NELL2: variants seen among roughly 807,000 people sequenced by gnomAD.
The protein encoded by NELL2 is neural EGFL like 2, also known as protein kinase C-binding protein NELL2.
NELL2 carries 41 observed loss-of-function variants against 109.6 expected under a neutral mutation model. The ratio of observed to expected loss-of-function variants is 0.37; its 90% confidence interval spans 0.29 to 0.49. The LOEUF (loss-of-function observed/expected upper bound fraction) is 0.49, where lower values mean the gene tolerates loss of function less well. Ranked by LOEUF, NELL2 falls within the 20% of genes least tolerant of loss-of-function variation. The pLI, the probability that NELL2 is intolerant of heterozygous loss-of-function variation, is 0.98. For synonymous variants in NELL2, 355 were observed against 344.7 expected, an observed-to-expected ratio of 1.03 and a Z score of -0.33; for missense variants, 900 against 1,008.3, an observed-to-expected ratio of 0.89 and a Z score of 1.45.
chr12:44,876,384 G>A (rs571201134), upstream of NELL2: 462 of 1,243,558 alleles, frequency 3.7e-4, 2 homozygotes, highest in Middle Eastern at 3.2e-3. Context: ...CGGGGGAGGC[G>A]GGGTAAGGAG....
At chr12:44,553,348 C>G (rs1301717732) in intron 15 of NELL2, among the ~76,000 whole-genome samples, 1 of 151,356 alleles carries the variant, frequency 6.6e-6, no homozygotes, top group Non-Finnish European at 1.5e-5. Context: ...CCTAATATAA[C>G]CTTTGACCCT....
intron 15 of NELL2, among the ~76,000 whole-genome samples, chr12:44,589,692 C>T (rs1382856995): frequency 6.6e-6 from 1 of 152,138 alleles, no homozygotes; most frequent in Non-Finnish European, 1.5e-5. Context: ...GCGATGCTTG[C>T]TAAAAGTGCA....
intron 1 of NELL2, 57 bp downstream of exon 1, chr12:44,875,758 T>G: frequency 6.2e-7 from 1 of 1,611,678 alleles, no homozygotes; most frequent in East Asian, 2.2e-5. Flanking sequence ...AGCCAGCCCA[T>G]GCTGCCCCGA....
chr12:44,549,245 T>C (rs1942930206), intron 15 of NELL2, among the ~76,000 whole-genome samples: 1 of 152,192 alleles, frequency 6.6e-6, no homozygotes, highest in Non-Finnish European at 1.5e-5. Context: ...TCCTCTTCCT[T>C]GTTGGCACAT....
chr12:44,586,614 C>A (rs1336060280), intron 15 of NELL2, among the ~76,000 whole-genome samples: 2 of 152,086 alleles, frequency 1.3e-5, no homozygotes, highest in African/African-American at 4.8e-5. Context: ...ACATTATTAA[C>A]CTGACCTGAT....
intron 15 of NELL2, among the ~76,000 whole-genome samples, chr12:44,590,474 G>A (rs552002474): frequency 5.9e-5 from 9 of 152,170 alleles, no homozygotes; most frequent in Admixed American, 5.2e-4. Context: ...AAATGCTTAC[G>A]TTTTCAACAG....
chr12:44,862,193 C>T (rs1033341783), intron 2 of NELL2, among the ~76,000 whole-genome samples: 6 of 152,216 alleles, frequency 3.9e-5, no homozygotes, highest in African/African-American at 1.2e-4. Flanking sequence ...CGAATACTCA[C>T]CAGCAGCGCT....
intron 1 of NELL2, among the ~76,000 whole-genome samples, chr12:44,905,768 C>A (rs1945713094): frequency 6.6e-6 from 1 of 151,844 alleles, no homozygotes; most frequent in Admixed American, 6.6e-5. Context: ...ATAGGGGGAC[C>A]TTTGGTCTGA....
chr12:44,576,490 C>A (rs1397098426), intron 15 of NELL2, among the ~76,000 whole-genome samples: 1 of 152,004 alleles, frequency 6.6e-6, no homozygotes, highest in Non-Finnish European at 1.5e-5. Flanking sequence ...ATTACCATCT[C>A]ATTCCTGGGG....
At chr12:44,640,964 C>T (rs1207195107) in intron 13 of NELL2, among the ~76,000 whole-genome samples, 5 of 152,148 alleles carry the variant, frequency 3.3e-5, no homozygotes, top group Non-Finnish European at 4.4e-5. Flanking sequence ...GGGGAAAAAA[C>T]TGCTCCACAG....
At chr12:44,897,461 A>T (rs1057341250) in intron 1 of NELL2, among the ~76,000 whole-genome samples, 14 of 152,134 alleles carry the variant, frequency 9.2e-5, no homozygotes, top group African/African-American at 2.9e-4. Flanking sequence ...AGTGCAGCCC[A>T]CGGAGGGCAA....
chr12:44,829,821 G>A (rs974664005), intron 2 of NELL2, among the ~76,000 whole-genome samples: 2 of 152,022 alleles, frequency 1.3e-5, no homozygotes, highest in Non-Finnish European at 1.5e-5. Context: ...TATACTTAGC[G>A]TTTGCAAAGT....
chr12:44,681,482 A>G (rs574420493), intron 12 of NELL2, among the ~76,000 whole-genome samples: 2 of 151,914 alleles, frequency 1.3e-5, no homozygotes, highest in Non-Finnish European at 2.9e-5. Context: ...TTAGTTACAT[A>G]TGTATACATG....
chr12:44,623,628 A>G (rs1234407799), intron 13 of NELL2, among the ~76,000 whole-genome samples: 2 of 152,072 alleles, frequency 1.3e-5, no homozygotes, highest in East Asian at 3.9e-4. Context: ...GGAATCACTA[A>G]AAGTTTTCAG....
intron 12 of NELL2, among the ~76,000 whole-genome samples, chr12:44,676,153 G>A (rs900308948): frequency 6.6e-6 from 1 of 152,074 alleles, no homozygotes; most frequent in South Asian, 2.1e-4. Context: ...AAATAATACA[G>A]ATCAATATGG....
At chr12:44,570,811 T>C (rs183728171) in intron 15 of NELL2, among the ~76,000 whole-genome samples, 234 of 152,302 alleles carry the variant, frequency 1.5e-3, no homozygotes, top group Admixed American at 2.9e-3. Context: ...ATTATCGCCA[T>C]GAATATGGTG....
chr12:44,595,900 G>A (rs1349994541), intron 15 of NELL2, among the ~76,000 whole-genome samples: 2 of 152,102 alleles, frequency 1.3e-5, no homozygotes, highest in Non-Finnish European at 2.9e-5. Flanking sequence ...TCAGCTGTTT[G>A]CTTGCCTCCT....
chr12:44,594,613 T>C (rs1365285114), intron 15 of NELL2, among the ~76,000 whole-genome samples: 3 of 152,132 alleles, frequency 2.0e-5, no homozygotes, highest in Admixed American at 1.3e-4. Flanking sequence ...ATAACAAGTA[T>C]AGAATACTGC....
intron 13 of NELL2, among the ~76,000 whole-genome samples, chr12:44,646,188 T>G (rs1947089568): frequency 6.6e-6 from 1 of 152,134 alleles, no homozygotes; most frequent in African/African-American, 2.4e-5. Flanking sequence ...ATATATTAAC[T>G]CATCTAATCC....
Sources: gnomAD v4.1 joint callset for allele counts (sites outside exome capture counted in the v4.1 genomes callset) on GRCh38, gnomAD v4.1.1 for gene constraint, MANE v1.5 for transcripts, NCBI Gene and HGNC (gene_info 2026-07-23, HGNC 2026-07-21) for gene names.